The following TFEC variants were observed in gnomAD, a reference collection of about 807,000 sequenced individuals.
TFEC encodes transcription factor EC, also known as class E basic helix-loop-helix protein 34.
A neutral mutation model predicts 41.6 loss-of-function variants in TFEC; 31 were observed. The observed-to-expected ratio is 0.74, with a 90% CI of 0.56 to 1.01. The LOEUF (loss-of-function observed/expected upper bound fraction) is 1.01, where lower values mean the gene tolerates loss of function less well. TFEC is among the 50% of genes least tolerant of loss of function. The pLI is 0.00. For synonymous variants in TFEC, 143 were observed against 140.6 expected (o/e 1.02, Z -0.12); for missense variants, 402 against 404.1 (o/e 0.99, Z 0.04).
chr7:116,105,757 A>C (rs1797703543), intron 3 of TFEC, among the ~76,000 whole-genome samples: 1 of 152,268 alleles, frequency 6.6e-6, no homozygotes, highest in Admixed American at 6.5e-5. Flanking sequence ...CATCCATGAA[A>C]GTCTGAGTGT....
chr7:116,043,716 T>C (rs925554934), intron 3 of TFEC, among the ~76,000 whole-genome samples: 1 of 152,162 alleles, frequency 6.6e-6, no homozygotes, highest in Admixed American at 6.5e-5. Flanking sequence ...CATCTGAGTA[T>C]TGAACAGAGT....
intron 3 of TFEC, among the ~76,000 whole-genome samples, chr7:116,076,217 G>A (rs1796956919): frequency 6.6e-6 from 1 of 152,144 alleles, no homozygotes; most frequent in South Asian, 2.1e-4. Flanking sequence ...ATTCCTAGGG[G>A]AAGCAGGAGA....
chr7:116,061,995 A>T (rs1006798537), intron 3 of TFEC, among the ~76,000 whole-genome samples: 1 of 145,312 alleles, frequency 6.9e-6, no homozygotes, highest in Admixed American at 6.9e-5. Flanking sequence ...GCTGGTAGGA[A>T]TTTTTTTTTT....
intron 1 of TFEC, among the ~76,000 whole-genome samples, chr7:116,151,738 T>C (rs1798766439): frequency 6.6e-6 from 1 of 152,156 alleles, no homozygotes; most frequent in South Asian, 2.1e-4. Flanking sequence ...ATTTACATTT[T>C]AATGGATGAA....
chr7:116,025,265 T>A (rs971268134), intron 1 of TFEC, among the ~76,000 whole-genome samples: 3 of 152,108 alleles, frequency 2.0e-5, no homozygotes, highest in African/African-American at 7.2e-5. Context: ...TAGGAGAGAA[T>A]ATTAAGGAAA....
chr7:115,973,546 T>C (rs1426512746), intron 3 of TFEC, among the ~76,000 whole-genome samples: 1 of 151,948 alleles, frequency 6.6e-6, no homozygotes, highest in Admixed American at 6.6e-5. Context: ...TTTTTATGAT[T>C]CATAAATGAA....
intron 3 of TFEC, among the ~76,000 whole-genome samples, chr7:116,085,018 C>G (rs1797170770): frequency 6.6e-6 from 1 of 151,746 alleles, no homozygotes; most frequent in African/African-American, 2.4e-5. Context: ...TACTTAGGAA[C>G]AGGAGATAGC....
At chr7:115,978,454 T>C (rs1010423052) in intron 2 of TFEC, among the ~76,000 whole-genome samples, 2 of 152,184 alleles carry the variant, frequency 1.3e-5, no homozygotes, top group South Asian at 2.1e-4. Flanking sequence ...ATCCATGATC[T>C]TACTCATCAA....
intron 1 of TFEC, among the ~76,000 whole-genome samples, chr7:116,133,278 G>A (rs1040507461): frequency 1.3e-5 from 2 of 152,050 alleles, no homozygotes; most frequent in Admixed American, 6.5e-5. Flanking sequence ...GGCCAGGCAC[G>A]GTGGTTCATG....
chr7:116,007,671 C>A (rs1794850682), intron 1 of TFEC, among the ~76,000 whole-genome samples: 1 of 152,058 alleles, frequency 6.6e-6, no homozygotes, highest in African/African-American at 2.4e-5. Context: ...GTAGAGACAG[C>A]ATATTGTATA....
intron 6 of TFEC, among the ~76,000 whole-genome samples, chr7:115,948,520 C>G (rs1002752076): frequency 6.6e-5 from 10 of 152,126 alleles, no homozygotes; most frequent in African/African-American, 2.4e-4. Context: ...GGGCTTCATC[C>G]CTGGGATGCA....
intron 3 of TFEC, among the ~76,000 whole-genome samples, chr7:116,094,819 A>G (rs951746723): frequency 5.9e-5 from 9 of 152,344 alleles, no homozygotes; most frequent in South Asian, 4.1e-4. Flanking sequence ...TCAGTGGTCA[A>G]TTTATTGTTC....
chr7:116,130,045 A>AACACACACACACACACACAC (rs56872188), intron 1 of TFEC, among the ~76,000 whole-genome samples: 2 of 142,156 alleles, frequency 1.4e-5, no homozygotes, highest in South Asian at 4.7e-4. Flanking sequence ...AACATGCAAG[A>AACACACACACACACACACAC]ACACACACAC....
chr7:116,043,532 A>T (rs1796089510), intron 3 of TFEC, among the ~76,000 whole-genome samples: 1 of 152,182 alleles, frequency 6.6e-6, no homozygotes, highest in Non-Finnish European at 1.5e-5. Flanking sequence ...TAAAAATAAG[A>T]GGTTCTCATC....
intron 1 of TFEC, among the ~76,000 whole-genome samples, chr7:116,125,031 A>G (rs760372298): frequency 1.3e-5 from 2 of 152,216 alleles, no homozygotes; most frequent in African/African-American, 2.4e-5. Flanking sequence ...TCATACTTCA[A>G]CAAATACTGA....
intron 1 of TFEC, among the ~76,000 whole-genome samples, chr7:116,020,390 T>C (rs1054563093): frequency 2.0e-5 from 3 of 152,166 alleles, no homozygotes; most frequent in African/African-American, 7.2e-5. Flanking sequence ...TGTAAAAGAT[T>C]TGAAGCAACA....
intron 3 of TFEC, among the ~76,000 whole-genome samples, chr7:116,098,867 A>AAATG (rs1208332693): frequency 1.7e-5 from 2 of 115,042 alleles, no homozygotes; most frequent in Non-Finnish European, 3.6e-5. Flanking sequence ...GAGAGGAAGA[A>AAATG]AAGGAAGGAA....
intron 1 of TFEC, among the ~76,000 whole-genome samples, chr7:115,987,936 T>C (rs889355555): frequency 8.5e-5 from 13 of 152,326 alleles, no homozygotes; most frequent in East Asian, 1.9e-4. Flanking sequence ...ATTTGTTTCA[T>C]TGAATTCTCA....
At chr7:116,059,014 TA>T (rs1171514809) in intron 3 of TFEC, among the ~76,000 whole-genome samples, 1 of 151,398 alleles carries the variant, frequency 6.6e-6, no homozygotes, top group African/African-American at 2.4e-5. Flanking sequence ...CCAAAGTAAG[TA>T]AAAGAAAGAA....
Sources: allele counts gnomAD v4.1 joint callset (sites outside exome capture counted in the v4.1 genomes callset), GRCh38; gene constraint gnomAD v4.1.1; transcripts MANE v1.5; gene names NCBI Gene and HGNC (gene_info 2026-07-23, HGNC 2026-07-21).